RBFOX1: variants seen among roughly 807,000 people sequenced by gnomAD.
RBFOX1 encodes RNA binding fox-1 homolog 1.
In RBFOX1, 8 loss-of-function variants were observed where a neutral mutation model predicts 57.7. That is an observed-to-expected ratio of 0.14 (90% confidence interval 0.08 to 0.25). RBFOX1 has a LOEUF of 0.25. Among genes scored for constraint, RBFOX1 ranks in the 10% least tolerant of loss-of-function variants. The pLI, the probability that RBFOX1 is intolerant of heterozygous loss-of-function variation, is 1.00. For synonymous variants in RBFOX1, 326 were observed against 222.4 expected (o/e 1.47, Z -4.15); for missense variants, 611 against 548.5 (o/e 1.11, Z -1.14).
At chr16:6,789,879 C>T (rs1212725339) in intron 3 of RBFOX1, among the ~76,000 whole-genome samples, 3 of 151,496 alleles carry the variant, frequency 2.0e-5, no homozygotes, top group South Asian at 2.1e-4. Flanking sequence ...TTCTTATTTT[C>T]AAAAAATACC....
chr16:6,141,765 G>C (rs1007268244), intron 1 of RBFOX1, among the ~76,000 whole-genome samples: 1 of 151,892 alleles, frequency 6.6e-6, no homozygotes, highest in African/African-American at 2.4e-5. Flanking sequence ...GATCTATTTG[G>C]AGAAAAGGTG....
intron 3 of RBFOX1, among the ~76,000 whole-genome samples, chr16:6,982,592 G>A (rs774790085): frequency 1.3e-4 from 20 of 152,290 alleles, no homozygotes; most frequent in East Asian, 1.9e-4. Flanking sequence ...ACCATGAGTT[G>A]AACAGTTGTT....
intron 3 of RBFOX1, among the ~76,000 whole-genome samples, chr16:5,843,285 C>T (rs555406449): frequency 1.3e-5 from 2 of 152,294 alleles, no homozygotes; most frequent in South Asian, 4.2e-4. Flanking sequence ...TCCTCTAACT[C>T]CTCCTACCCT....
intron 14 of RBFOX1, among the ~76,000 whole-genome samples, chr16:7,703,531 A>C (rs1371797213): frequency 6.6e-6 from 1 of 152,214 alleles, no homozygotes; most frequent in African/African-American, 2.4e-5. Context: ...TCATCAAAAT[A>C]GGGAGTAAAA....
chr16:5,399,672 G>A lies in RBFOX1; in HGVS notation c.220-67544G>A, dbSNP rs2066658716. ...GATTACCTGAGCACAGGAGATCAAG[G>A]CTGCAGTGACCCATGCTTGCATCAC... On this transcript the variant is annotated intron_variant, in intron 1 of 2. Transcript: ENST00000585867. 2.6e-5 allele frequency among the ~76,000 whole-genome samples: 4 copies of A among 152,038 alleles called. No individual in the cohort carries two copies. In the South Asian group the frequency reaches 8.3e-4, roughly 32 times the overall value.
chr16:5,476,497 T>A (rs1461296870), intron 2 of RBFOX1, among the ~76,000 whole-genome samples: 4 of 152,190 alleles, frequency 2.6e-5, no homozygotes, highest in Non-Finnish European at 5.9e-5. Context: ...ATTCATGTAG[T>A]GGTCAAGTAA....
chr16:7,645,804 G>C (rs1035891625), intron 11 of RBFOX1, among the ~76,000 whole-genome samples: 4 of 152,138 alleles, frequency 2.6e-5, no homozygotes, highest in Admixed American at 6.5e-5. Flanking sequence ...ATTTCATACT[G>C]AAACAAGGGT....
At chr16:6,646,180 G>T (rs2098533202) in intron 2 of RBFOX1, among the ~76,000 whole-genome samples, 1 of 152,142 alleles carries the variant, frequency 6.6e-6, no homozygotes, top group African/African-American at 2.4e-5. Flanking sequence ...GTTCAGAAAA[G>T]GTCAGGTCGG....
In RBFOX1 at chr16:5,541,603, G is replaced by A. The variant is rs574224167; in HGVS notation, c.259-57299G>A. On this transcript the variant is annotated intron_variant, in intron 2 of 2. Transcript: ENST00000585867. ...TAATCAGATATGCGTTTATCTCAGCGAGCAGAGGGAAGAGTTTGAATAGAA... is the reference window on the plus strand; with the variant it reads ...TAATCAGATATGCGTTTATCTCAGCAAGCAGAGGGAAGAGTTTGAATAGAA... Among the ~76,000 whole-genome samples, 120 of 152,264 alleles carry A rather than the reference G, an allele frequency of 7.9e-4. 1 individual carries two copies. Among genetic ancestry groups the A allele is most frequent in the African/African-American group, 2.8e-3 (117 of 41,534 alleles).
intron 2 of RBFOX1, among the ~76,000 whole-genome samples, chr16:6,373,826 C>G (rs754559500): frequency 6.6e-6 from 1 of 151,970 alleles, no homozygotes; most frequent in Non-Finnish European, 1.5e-5. Flanking sequence ...CAATGTATGT[C>G]TTTTTTGTTA....
At chr16:6,306,557 G>C (rs762669792) in intron 1 of RBFOX1, among the ~76,000 whole-genome samples, 1 of 152,218 alleles carries the variant, frequency 6.6e-6, no homozygotes, top group Admixed American at 6.5e-5. Flanking sequence ...AGCTCCAGAA[G>C]CTGATAGATT....
intron 4 of RBFOX1, among the ~76,000 whole-genome samples, chr16:7,357,979 G>A (rs181915035): frequency 6.6e-6 from 1 of 152,058 alleles, no homozygotes; most frequent in Non-Finnish European, 1.5e-5. Flanking sequence ...ACTTTCATCT[G>A]CCTGAGAATC....
In RBFOX1 at chr16:6,962,376, G is replaced by T. The variant is rs61275257; in HGVS notation, c.-15-89681G>T. ...CACATTCATAGGTAGCAAGGGTTAG[G>T]ACTTCGACTTATCTTTTTAGGAGAT... On this transcript the variant is annotated intron_variant, in intron 3 of 15. Coordinates refer to ENST00000550418, the MANE Select transcript of RBFOX1 (RefSeq NM_018723.4). Among the ~76,000 whole-genome samples, 888 of 152,238 alleles carry T rather than the reference G, an allele frequency of 5.8e-3. 2 individuals are homozygous for T. The highest frequency in any genetic ancestry group is 0.02 in the African/African-American group (825 of 41,538).
intron 3 of RBFOX1, among the ~76,000 whole-genome samples, chr16:6,883,674 C>T (rs2063394674): frequency 1.3e-5 from 2 of 152,130 alleles, no homozygotes; most frequent in African/African-American, 2.4e-5. Flanking sequence ...TGAAACCTTG[C>T]CTCCCACATC....
intron 1 of RBFOX1, among the ~76,000 whole-genome samples, chr16:6,077,823 C>G (rs557645849): frequency 1.9e-3 from 292 of 152,046 alleles, no homozygotes; most frequent in Non-Finnish European, 2.4e-3. Context: ...CTCAAGTGAC[C>G]TCCCACCTCT....
intron 2 of RBFOX1, among the ~76,000 whole-genome samples, chr16:5,548,450 A>G (rs147682521): frequency 2.0e-5 from 3 of 151,982 alleles, no homozygotes; most frequent in South Asian, 2.1e-4. Context: ...GTAGCACAAT[A>G]TAGTGACCAT....
intron 5 of RBFOX1, among the ~76,000 whole-genome samples, chr16:7,545,810 C>G (rs1488138217): frequency 6.6e-6 from 1 of 152,068 alleles, no homozygotes; most frequent in African/African-American, 2.4e-5. Context: ...CATTCTGACA[C>G]TGAATAACCA....
chr16:7,469,274 G>A (rs1184173041), intron 4 of RBFOX1, among the ~76,000 whole-genome samples: 5 of 151,878 alleles, frequency 3.3e-5, no homozygotes, highest in Non-Finnish European at 7.4e-5. Flanking sequence ...ATGTCGGTCA[G>A]GCTGGTCTCG....
intron 1 of RBFOX1, among the ~76,000 whole-genome samples, chr16:5,377,889 T>C (rs2066027888): frequency 1.3e-5 from 2 of 151,764 alleles, no homozygotes; most frequent in Admixed American, 1.3e-4. Flanking sequence ...GTGCTTTCTC[T>C]TGAGAACAGT....
Sources: gnomAD v4.1 joint callset for allele counts (sites outside exome capture counted in the v4.1 genomes callset) on GRCh38, gnomAD v4.1.1 for gene constraint, MANE v1.5 for transcripts, NCBI Gene and HGNC (gene_info 2026-07-23, HGNC 2026-07-21) for gene names.